TMEM132E: variants seen among roughly 807,000 people sequenced by gnomAD.
TMEM132E encodes transmembrane protein 132E.
TMEM132E carries 49 observed loss-of-function variants against 78.5 expected under a neutral mutation model. That is an observed-to-expected ratio of 0.62 (90% CI 0.50 to 0.79). The LOEUF is 0.79. Among genes scored for constraint, TMEM132E ranks in the 30% least tolerant of loss-of-function variants. TMEM132E has a pLI of 0.00. For missense variants in TMEM132E, 1,403 were observed against 1,470.9 expected (o/e 0.95, Z 0.75); for synonymous variants, 715 against 670.6 (o/e 1.07, Z -1.02).
intron 1 of TMEM132E, among the ~76,000 whole-genome samples, chr17:34,601,477 G>T (rs369737283): frequency 6.6e-6 from 1 of 152,176 alleles, no homozygotes; most frequent in East Asian, 1.9e-4. Flanking sequence ...GGCTGTCTTT[G>T]TCCCCAAAGT....
chr17:34,582,002 AGCTG>A (rs66871681), intron 1 of TMEM132E, among the ~76,000 whole-genome samples: 2,585 of 152,200 alleles, frequency 0.017, 48 homozygotes, highest in South Asian at 0.05. Flanking sequence ...GCCTTCCGCA[AGCTG>A]GAGACGCTCC....
At chr17:34,604,777 T>A (rs1906357650) in intron 1 of TMEM132E, among the ~76,000 whole-genome samples, 1 of 152,214 alleles carries the variant, frequency 6.6e-6, no homozygotes, top group Non-Finnish European at 1.5e-5. Context: ...CTAATGAGAA[T>A]GATTTATTAT....
chr17:34,634,886 T>TGCCA lies in TMEM132E; in HGVS notation c.1777_1780dup (p.Thr594SerfsTer18). ...GTGGCTGCACCCTGCAGTACCAGCATGCCACCCTGCAGGTCTTCACCCAGT... is the reference window on the plus strand; with the variant it reads ...GTGGCTGCACCCTGCAGTACCAGCATGCCAGCCACCCTGCAGGTCTTCACCCAGT... On this transcript the variant is annotated frameshift_variant, in exon 7 of 9. Transcript: ENST00000631683. LOFTEE classifies it high-confidence loss of function. 1 of 1,614,126 alleles carries TGCCA rather than the reference T, an allele frequency of 6.2e-7. No homozygotes were observed. Among genetic ancestry groups the TGCCA allele is most frequent in the Non-Finnish European group, 8.5e-7 (1 of 1,180,020 alleles).
At position 34,637,513 on chromosome 17, in the gene TMEM132E, G is replaced by A. The variant is rs945492986; in HGVS notation, c.2506G>A (p.Glu836Lys). The A allele has an allele frequency of 3.4e-5, 54 of 1,604,832 alleles. No individual in the cohort carries two copies. The highest frequency in any genetic ancestry group is 4.2e-5 in the Non-Finnish European group (50 of 1,176,608). ...GPSQPGPGGGEDEARGAGPPG... is the reference protein window; with the variant it reads ...GPSQPGPGGGKDEARGAGPPG... ...CAGCCAACCAGGGCCCGGCGGGGGC[G>A]AGGACGAGGCCCGGGGAGCTGGCCC... The change falls in exon 9 of 9, where the codon GAG becomes AAG. Residue 836 changes from glutamate to lysine, a missense_variant. Physicochemically the swap from Glu to Lys is moderately conservative, Grantham distance 56. Around this residue, in one of 3 missense-constraint regions of TMEM132E, gnomAD observed 888 missense variants for 952.8 expected, o/e 0.93. Coordinates refer to ENST00000631683, the MANE Select transcript of TMEM132E (RefSeq NM_001304438.2).
At chr17:34,605,667 C>T (rs1217841324) in intron 1 of TMEM132E, among the ~76,000 whole-genome samples, 1 of 152,160 alleles carries the variant, frequency 6.6e-6, no homozygotes, top group Non-Finnish European at 1.5e-5. Context: ...ACGATAAAGC[C>T]ACGTAACAAA....
At chr17:34,622,391 G>T (rs2142075858) in intron 1 of TMEM132E, among the ~76,000 whole-genome samples, 1 of 152,370 alleles carries the variant, frequency 6.6e-6, no homozygotes, top group South Asian at 2.1e-4. Context: ...AGGATGGAAT[G>T]GTTCATGGTG....
chr17:34,612,801 G>A (rs1258665304), intron 1 of TMEM132E, among the ~76,000 whole-genome samples: 1 of 152,020 alleles, frequency 6.6e-6, no homozygotes, highest in Non-Finnish European at 1.5e-5. Context: ...GGCCGGTGGG[G>A]CCTAACCTCA....
chr17:34,630,131 G>A lies in TMEM132E; in HGVS notation c.1462G>A (p.Asp488Asn), dbSNP rs749114183. 6.2e-7 allele frequency: 1 copy of A among 1,612,270 alleles called. No homozygotes were observed. The highest frequency in any genetic ancestry group is 1.7e-5 in the Admixed American group (1 of 59,970). ...CTCCGCCCTAGTGGAATGCGAGTCT[G>A]ACAATGAAGACATCATCAAGGTGGG... is the stretch of plus-strand genomic sequence containing the variant. ...DISALVECESDNEDIIKVSSS... is the reference protein window; with the variant it reads ...DISALVECESNNEDIIKVSSS... The change falls in exon 5 of 9, where the codon GAC (aspartate) becomes AAC (asparagine). Residue 488 changes from aspartate (D) to asparagine (N), a missense_variant. Transcript: ENST00000631683.
chr17:34,623,872 G>A lies in TMEM132E; in HGVS notation c.68-2255G>A, dbSNP rs78803495. 9.7e-4 allele frequency among the ~76,000 whole-genome samples: 147 copies of A among 152,216 alleles called. 1 individual carries two copies. The highest frequency in any genetic ancestry group is 3.4e-3 in the African/African-American group (140 of 41,534). On this transcript the variant is annotated intron_variant, in intron 1 of 8. Transcript: ENST00000631683. ...CTGCAGGGACACGTTATGAGACCTA[G>A]GCACCAGCCAGAAAAGCTCTCCCCA...
chr17:34,615,689 A>G (rs1220972152), intron 1 of TMEM132E, among the ~76,000 whole-genome samples: 1 of 151,726 alleles, frequency 6.6e-6, no homozygotes, highest in African/African-American at 2.4e-5. Context: ...CAGGGTCTCC[A>G]CCCTTAGCGG....
rs150026307 is a variant in TMEM132E, at chr17:34,626,263, C to T, written c.204C>T (p.Val68=). 2.2e-5 allele frequency: 35 copies of T among 1,604,616 alleles called. No homozygotes were observed. The highest frequency in any genetic ancestry group is 2.7e-5 in the Non-Finnish European group (32 of 1,176,144). ...LREARPPSPA[V]ANSSLQRSEP... is the part of the protein sequence containing the mutation. ...AGGCGCGGCCCCCGTCACCCGCGGTCGCCAACAGCTCTCTGCAGCGCTCCG... is the reference window on the plus strand; with the variant it reads ...AGGCGCGGCCCCCGTCACCCGCGGTTGCCAACAGCTCTCTGCAGCGCTCCG... Residue 68 remains valine (V), a synonymous_variant, in exon 2 of 9, where the codon GTC becomes GTT. Coordinates refer to ENST00000631683, the MANE Select transcript of TMEM132E (RefSeq NM_001304438.2).
intron 1 of TMEM132E, among the ~76,000 whole-genome samples, chr17:34,598,207 C>G (rs1180307440): frequency 6.6e-6 from 1 of 152,020 alleles, no homozygotes; most frequent in East Asian, 1.9e-4. Context: ...CTTGAGACAC[C>G]CCCAGAGAGC....
chr17:34,627,473 T>TGCGTGCGCGCACGCGCGCGCGCGC (rs1384973092), intron 2 of TMEM132E, among the ~76,000 whole-genome samples: 199 of 133,086 alleles, frequency 1.5e-3, no homozygotes, highest in African/African-American at 5.1e-3. Context: ...GAATCGTGTG[T>TGCGTGCGCGCACGCGCGCGCGCGC]GTGTGTGTGT....
intron 1 of TMEM132E, among the ~76,000 whole-genome samples, chr17:34,618,505 T>G (rs1374337573): frequency 6.6e-6 from 1 of 152,042 alleles, no homozygotes; most frequent in Non-Finnish European, 1.5e-5. Flanking sequence ...GTGCTGGAAT[T>G]ATAGGAGTAA....
intron 1 of TMEM132E, among the ~76,000 whole-genome samples, chr17:34,588,193 T>C (rs1381757231): frequency 1.3e-5 from 2 of 152,162 alleles, no homozygotes; most frequent in African/African-American, 2.4e-5. Flanking sequence ...ACTCTTCCAC[T>C]CCATTGCCTA....
At chr17:34,605,244 T>C (rs1418784655) in intron 1 of TMEM132E, among the ~76,000 whole-genome samples, 3 of 152,174 alleles carry the variant, frequency 2.0e-5, no homozygotes, top group African/African-American at 7.2e-5. Context: ...ATGAATCGTG[T>C]AATAAGTGAG....
chr17:34,613,483 T>C (rs937950327), intron 1 of TMEM132E, among the ~76,000 whole-genome samples: 4 of 150,728 alleles, frequency 2.7e-5, no homozygotes, highest in Non-Finnish European at 5.9e-5. Context: ...GCCCTGGCTC[T>C]ACCTCACTAC....
At position 34,628,683 on chromosome 17, in the gene TMEM132E, G is replaced by C. The variant is rs1431287049; in HGVS notation, c.1119G>C (p.Trp373Cys). ...CAACAGCCACCGTGGATGTGGCCTG[G>C]GCTCAGAGCACACCCCTGCCCCCCA... ...KHSTATVDVA[W>C]AQSTPLPPRE... The change falls in exon 3 of 9, where the codon TGG (tryptophan) becomes TGC (cysteine). Residue 373 changes from tryptophan (W) to cysteine (C), a missense_variant. Around this residue, in one of 3 missense-constraint regions of TMEM132E, gnomAD observed 888 missense variants for 952.8 expected, o/e 0.93. Coordinates refer to ENST00000631683, the MANE Select transcript of TMEM132E (RefSeq NM_001304438.2). The C allele has an allele frequency of 3.1e-6, 5 of 1,609,952 alleles. No homozygotes were observed. The East Asian group carries it at 1.1e-4, about 36-fold the overall frequency.
At chr17:34,585,471 T>A (rs992908131) in intron 1 of TMEM132E, among the ~76,000 whole-genome samples, 3 of 152,196 alleles carry the variant, frequency 2.0e-5, no homozygotes, top group African/African-American at 7.2e-5. Context: ...CTCACCTTGT[T>A]GCCCTGCACA....
Sources: gnomAD v4.1 joint callset for allele counts (sites outside exome capture counted in the v4.1 genomes callset) on GRCh38, gnomAD v4.1.1 for gene constraint, gnomAD v4.1.1 regional missense constraint, MANE v1.5 for transcripts, NCBI Gene and HGNC (gene_info 2026-07-23, HGNC 2026-07-21) for gene names.